The following WDR64 variants were observed in gnomAD, a reference collection of about 807,000 sequenced individuals.
WDR64 encodes WD repeat-containing protein 64.
Under a neutral mutation model 139.3 loss-of-function variants are expected in WDR64, and 112 were observed. That is an observed-to-expected ratio of 0.80 (90% CI 0.69 to 0.94). The LOEUF (loss-of-function observed/expected upper bound fraction) is 0.94, where lower values mean the gene tolerates loss of function less well. Among genes scored for constraint, WDR64 ranks in the 40% least tolerant of loss-of-function variants. The probability of loss-of-function intolerance (pLI) is 0.00; values close to 1 mark genes in which losing one functional copy is unlikely to be tolerated. For missense variants in WDR64, 1,206 were observed against 1,293.1 expected, an observed-to-expected ratio of 0.93 and a Z score of 1.03; for synonymous variants, 444 against 437.7, an observed-to-expected ratio of 1.01 and a Z score of -0.18.
chr1:241,771,502 ATC>A (rs1658428247), intron 18 of WDR64, among the ~76,000 whole-genome samples, 157 bp from the exon 19 acceptor site: 1 of 151,460 alleles, frequency 6.6e-6, no homozygotes, highest in Non-Finnish European at 1.5e-5. Flanking sequence ...GGACATGAAA[ATC>A]TCTGCAATAC....
At chr1:241,719,803 C>T (rs7513142) in intron 9 of WDR64, among the ~76,000 whole-genome samples, 118,537 of 152,014 alleles carry the variant, frequency 0.78, 46,553 homozygotes, top group Non-Finnish European at 0.83. Context: ...TTCTTTTTTT[C>T]CTTCAAATTT....
chr1:241,707,446 G>A (rs1389849196), intron 8 of WDR64, among the ~76,000 whole-genome samples: 1 of 152,088 alleles, frequency 6.6e-6, no homozygotes, highest in Non-Finnish European at 1.5e-5. Context: ...AGCAATCTTA[G>A]ACACAGCAGA....
intron 4 of WDR64, among the ~76,000 whole-genome samples, chr1:241,675,479 T>C (rs1199112944): frequency 1.3e-5 from 2 of 152,178 alleles, no homozygotes; most frequent in Non-Finnish European, 2.9e-5. Flanking sequence ...GTGACTGCAT[T>C]TGGCATTGTT....
chr1:241,679,682 A>C (rs945894203), intron 6 of WDR64, 87 bp downstream of exon 6: 4 of 1,094,384 alleles, frequency 3.7e-6, no homozygotes, highest in Non-Finnish European at 2.7e-6. Flanking sequence ...TCTATTGAAC[A>C]TCAGTTTCTT....
intron 14 of WDR64, among the ~76,000 whole-genome samples, chr1:241,756,359 G>C (rs1574072539): frequency 1.3e-5 from 2 of 152,076 alleles, no homozygotes; most frequent in African/African-American, 2.4e-5. Flanking sequence ...TTGGTTCTCT[G>C]TTTGTCTATT....
intron 10 of WDR64, among the ~76,000 whole-genome samples, chr1:241,737,333 G>A (rs946408105): frequency 2.0e-5 from 3 of 152,188 alleles, no homozygotes; most frequent in Non-Finnish European, 4.4e-5. Context: ...GGACTAACTT[G>A]CCTTAGCAAT....
chr1:241,691,416 A>G (rs779488663), intron 8 of WDR64, among the ~76,000 whole-genome samples: 3 of 152,230 alleles, frequency 2.0e-5, no homozygotes, highest in Non-Finnish European at 4.4e-5. Flanking sequence ...TGTTGTCTAT[A>G]AGAAACCCAC....
chr1:241,794,504 G>GTTTTTTTTTTTTTTTT (rs11419039), intron 25 of WDR64, among the ~76,000 whole-genome samples: 1 of 81,458 alleles, frequency 1.2e-5, no homozygotes, highest in African/African-American at 4.3e-5. Flanking sequence ...AAGCTTTACT[G>GTTTTTTTTTTTTTTTT]TTTTTTTTTT....
intron 14 of WDR64, among the ~76,000 whole-genome samples, chr1:241,755,758 A>G (rs1263315037): frequency 6.6e-6 from 1 of 152,218 alleles, no homozygotes; most frequent in African/African-American, 2.4e-5. Flanking sequence ...GAAGGGGTCC[A>G]GTTTCAGTTT....
At chr1:241,724,487 A>T (rs1365379596) in intron 10 of WDR64, among the ~76,000 whole-genome samples, 1 of 152,232 alleles carries the variant, frequency 6.6e-6, no homozygotes, top group Non-Finnish European at 1.5e-5. Flanking sequence ...ATAGGACAGA[A>T]ATAATGTTTC....
chr1:241,796,175 C>T, intron 26 of WDR64, 82 bp from the exon 27 acceptor site: 1 of 865,162 alleles, frequency 1.2e-6, no homozygotes, highest in Non-Finnish European at 1.8e-6. Flanking sequence ...TGGGCCTTCT[C>T]ACTCCTCATC....
intron 8 of WDR64, among the ~76,000 whole-genome samples, chr1:241,696,120 A>AAAAAAAAAAAAAAAAAAAC: frequency 7.0e-6 from 1 of 142,394 alleles, no homozygotes; most frequent in Non-Finnish European, 1.5e-5. Context: ...TATCAAAAAA[A>AAAAAAAAAAAAAAAAAAAC]AAAAAAAAAA....
Position 241,795,229 on chromosome 1 carries a change from G to A in WDR64, c.3020G>A (p.Gly1007Asp), listed in dbSNP as rs541438560. The A allele has an allele frequency of 1.3e-5, 21 of 1,613,798 alleles. No homozygotes were observed. The South Asian group carries it at 2.3e-4, about 18-fold the overall frequency. ...SPKIRRYPLE[G>D]FVTENREAGI... ...CAGATTCGAAGATATCCCTTGGAAG[G>A]TTTCGTGACTGAAAACAGAGAGGCA... Residue 1007 changes from glycine to aspartate, a missense_variant, in exon 26 of 28, where the codon GGT becomes GAT. By Grantham distance (94) the Gly-to-Asp change is moderately conservative. Coordinates refer to ENST00000437684, the MANE Select transcript of WDR64 (RefSeq NM_001367482.1).
chr1:241,785,533 G>A (rs2148322033), intron 23 of WDR64, among the ~76,000 whole-genome samples: 2 of 152,194 alleles, frequency 1.3e-5, no homozygotes, highest in Middle Eastern at 3.4e-3. Context: ...TTTGGCAGGT[G>A]GACAAAAACA....
Position 241,735,533 on chromosome 1 carries a change from C to CTTTTTTTT in WDR64, c.1195-2818_1195-2811dup, listed in dbSNP as rs58339742. Among the ~76,000 whole-genome samples, 93 of 103,488 alleles carry CTTTTTTTT rather than the reference C, an allele frequency of 9.0e-4. 2 individuals carry two copies. Among genetic ancestry groups the CTTTTTTTT allele is most frequent in the African/African-American group, 3.5e-3 (91 of 26,328 alleles). The allele number at this position is 103,488 out of a possible 152,430, so 67.9% of individuals were successfully genotyped here. A position where few individuals can be genotyped will look rare whatever the true frequency, so the allele number is the denominator to read the frequency against. On this transcript the variant is annotated intron_variant, in intron 10 of 27. Transcript: ENST00000437684. ...GTTCTCTGTCTCTCTCTCTCTCTCT[C>CTTTTTTTT]TTTTTTTTTTTTTTTTTTTGATACG...
At chr1:241,781,765 G>T (rs1658853838) in intron 22 of WDR64, among the ~76,000 whole-genome samples, 2 of 145,826 alleles carry the variant, frequency 1.4e-5, no homozygotes, top group South Asian at 4.7e-4. Flanking sequence ...GAAGAGAATG[G>T]AATGCAATGC....
At position 241,711,893 on chromosome 1, in the gene WDR64, G is replaced by A. The variant is rs767579578; in HGVS notation, c.1054+12G>A. 3 of 1,613,650 alleles carry A rather than the reference G, an allele frequency of 1.9e-6. No homozygotes were observed. Among genetic ancestry groups the A allele is most frequent in the African/African-American group, 1.3e-5 (1 of 74,916 alleles). ...GATTGTCACTGGAGGTGAGAGGGCG[G>A]TTCACATTACATAGGGGTTTTCTAC... On this transcript the variant is annotated intron_variant, in intron 9 of 27. Coordinates refer to ENST00000437684, the MANE Select transcript of WDR64 (RefSeq NM_001367482.1).
chr1:241,775,889 C>CCCTTTCA (rs2148308508), intron 21 of WDR64, among the ~76,000 whole-genome samples: 1 of 151,866 alleles, frequency 6.6e-6, no homozygotes, highest in East Asian at 1.9e-4. Context: ...AAGCTTAGCC[C>CCCTTTCA]CCTTTCACTT....
chr1:241,785,786 T>A (rs1386085074), intron 23 of WDR64, among the ~76,000 whole-genome samples: 2 of 152,352 alleles, frequency 1.3e-5, no homozygotes, highest in East Asian at 1.9e-4. Flanking sequence ...ATGAGATTTT[T>A]AAATATGAAA....
Sources: allele counts gnomAD v4.1 joint callset (sites outside exome capture counted in the v4.1 genomes callset), GRCh38; gene constraint gnomAD v4.1.1; transcripts MANE v1.5; gene names NCBI Gene and HGNC (gene_info 2026-07-23, HGNC 2026-07-21).